Variants in NCKAP5 observed in about 807,000 individuals in gnomAD.
NCKAP5 encodes NCK associated protein 5, also known as nck-associated protein 5.
In NCKAP5, 92 loss-of-function variants were observed where a neutral mutation model predicts 167.0. That is an observed-to-expected ratio of 0.55 (90% CI 0.47 to 0.66). The LOEUF is 0.66. NCKAP5 is among the 30% of genes least tolerant of loss of function. The pLI is 0.00. For missense variants in NCKAP5, 2,378 were observed against 2,315.0 expected (o/e 1.03, Z -0.56); for synonymous variants, 891 against 877.4 (o/e 1.02, Z -0.27).
chr2:133,309,347 A>G (rs568186977), intron 3 of NCKAP5, among the ~76,000 whole-genome samples: 1 of 152,312 alleles, frequency 6.6e-6, no homozygotes, highest in South Asian at 2.1e-4. Flanking sequence ...CTGAAATACC[A>G]CAAGGAAACC....
Position 133,546,063 on chromosome 2 carries a change from A to G in NCKAP5, c.-62+12987T>C, listed in dbSNP as rs148811063. On this transcript the variant is annotated intron_variant, in intron 2 of 19. Transcript: ENST00000409261. Reference sequence around the variant, plus strand: ...ACCAGAAATGCTGAAACACAAATGCATTGCTCATATGCACACACACACCCC... The same window carrying G: ...ACCAGAAATGCTGAAACACAAATGCGTTGCTCATATGCACACACACACCCC... Among the ~76,000 whole-genome samples, 253 of 152,272 alleles carry G rather than the reference A, an allele frequency of 1.7e-3. 1 individual carries two copies. The highest frequency in any genetic ancestry group is 5.6e-3 in the African/African-American group (232 of 41,552).
At chr2:132,759,426 C>A (rs1246797004) in intron 16 of NCKAP5, among the ~76,000 whole-genome samples, 4 of 152,058 alleles carry the variant, frequency 2.6e-5, no homozygotes, top group African/African-American at 9.7e-5. Context: ...AACCAGTACA[C>A]CTTTGTATGT....
intron 3 of NCKAP5, among the ~76,000 whole-genome samples, chr2:133,467,258 T>C (rs1461574528): frequency 2.0e-5 from 3 of 150,776 alleles, no homozygotes; most frequent in East Asian, 1.9e-4. Context: ...TCTGCATCTA[T>C]TGAGATAATC....
intron 3 of NCKAP5, among the ~76,000 whole-genome samples, chr2:133,512,639 A>G (rs1683593961): frequency 6.6e-6 from 1 of 152,220 alleles, no homozygotes; most frequent in Admixed American, 6.5e-5. Context: ...AATTACATCT[A>G]GTCACTAAAT....
intron 3 of NCKAP5, among the ~76,000 whole-genome samples, chr2:133,312,342 G>A (rs1185243345): frequency 2.0e-5 from 3 of 152,098 alleles, no homozygotes; most frequent in South Asian, 2.1e-4. Context: ...CAATTTGTTG[G>A]ATACTGCTTA....
At chr2:133,090,680 A>C (rs1277904807) in intron 6 of NCKAP5, among the ~76,000 whole-genome samples, 4 of 152,208 alleles carry the variant, frequency 2.6e-5, no homozygotes, top group African/African-American at 9.6e-5. Flanking sequence ...TGAATACAGC[A>C]GATGAGTTAG....
chr2:133,213,845 T>C (rs1385576578), intron 4 of NCKAP5, 66 bp from the exon 5 acceptor site: 1 of 1,503,826 alleles, frequency 6.6e-7, no homozygotes. Context: ...GGCATGGCCG[T>C]GAAACATTCT....
intron 3 of NCKAP5, among the ~76,000 whole-genome samples, chr2:133,400,499 G>C (rs563017327): frequency 1.6e-4 from 24 of 152,244 alleles, no homozygotes; most frequent in Admixed American, 4.6e-4. Context: ...AAGTGAGAAG[G>C]AGAAGATGAC....
At chr2:133,067,120 C>A (rs545581474) in intron 6 of NCKAP5, among the ~76,000 whole-genome samples, 36 of 152,152 alleles carry the variant, frequency 2.4e-4, no homozygotes, top group Admixed American at 4.6e-4. Flanking sequence ...CCGCCTCAGC[C>A]TCTCAAAGTG....
intron 16 of NCKAP5, among the ~76,000 whole-genome samples, chr2:132,768,370 A>G (rs1189550971): frequency 6.6e-6 from 1 of 152,310 alleles, no homozygotes; most frequent in East Asian, 1.9e-4. Flanking sequence ...AATGAATGGT[A>G]TTTGAATTCC....
At position 133,222,641 on chromosome 2, in the gene NCKAP5, C is replaced by T. The variant is rs758753145; in HGVS notation, c.144-8862G>A. Among the ~76,000 whole-genome samples the T allele has an allele frequency of 7.9e-4, 108 of 137,290 alleles. 2 individuals are homozygous for T. Among genetic ancestry groups the T allele is most frequent in the Non-Finnish European group, 3.5e-4 (21 of 60,044 alleles). 90.1% of individuals were successfully genotyped at this position (137,290 alleles called of 152,430 possible). On this transcript the variant is annotated intron_variant, in intron 4 of 19. Coordinates refer to ENST00000409261, the MANE Select transcript of NCKAP5 (RefSeq NM_207363.3). Reference sequence around the variant, plus strand: ...AAATAGTTATAAAAACAGTTTTGACCCCGTGGATCTCTAAAAAGGTCATAG... The same window carrying T: ...AAATAGTTATAAAAACAGTTTTGACTCCGTGGATCTCTAAAAAGGTCATAG...
At chr2:132,891,375 T>C (rs935177633) in intron 8 of NCKAP5, among the ~76,000 whole-genome samples, 1 of 152,212 alleles carries the variant, frequency 6.6e-6, no homozygotes, top group African/African-American at 2.4e-5. Context: ...GTGCTCAAGA[T>C]GGATCAACTT....
chr2:133,547,300 G>A (rs1457062297), intron 2 of NCKAP5, among the ~76,000 whole-genome samples: 4 of 152,214 alleles, frequency 2.6e-5, no homozygotes, highest in African/African-American at 7.2e-5. Context: ...GAGGCTGGGG[G>A]AGGGGCACCC....
intron 8 of NCKAP5, among the ~76,000 whole-genome samples, chr2:132,921,389 T>C (rs1162930780): frequency 6.6e-6 from 1 of 152,196 alleles, no homozygotes; most frequent in Admixed American, 6.5e-5. Context: ...CAACTAATTA[T>C]AACTTTTTTC....
intron 6 of NCKAP5, among the ~76,000 whole-genome samples, chr2:133,128,640 G>C (rs890274805): frequency 3.3e-5 from 5 of 150,712 alleles, no homozygotes; most frequent in Non-Finnish European, 1.5e-5. Context: ...CTTTGTTGCC[G>C]AGGCTGGAGT....
intron 8 of NCKAP5, among the ~76,000 whole-genome samples, chr2:132,890,401 A>C (rs572657408): frequency 7.4e-6 from 1 of 136,004 alleles, no homozygotes; most frequent in South Asian, 2.3e-4. Context: ...AGGCCACCAT[A>C]AAGAAAAAAA....
At chr2:133,059,302 A>C (rs1035749920) in intron 6 of NCKAP5, among the ~76,000 whole-genome samples, 80 of 152,258 alleles carry the variant, frequency 5.3e-4, no homozygotes, top group African/African-American at 1.9e-3. Flanking sequence ...TCCATCTCAA[A>C]AAAAATATGT....
chr2:133,335,612 A>T (rs1181804319), intron 3 of NCKAP5, among the ~76,000 whole-genome samples: 2 of 152,142 alleles, frequency 1.3e-5, no homozygotes, highest in Admixed American at 1.3e-4. Flanking sequence ...TTAAATAAAA[A>T]TTTTTGCCTG....
At chr2:133,392,945 AAT>A (rs1687510474) in intron 3 of NCKAP5, among the ~76,000 whole-genome samples, 1 of 152,140 alleles carries the variant, frequency 6.6e-6, no homozygotes, top group African/African-American at 2.4e-5. Context: ...AGCTTCCTAT[AAT>A]TTGATTGCCT....
Sources: gnomAD v4.1 joint callset for allele counts (sites outside exome capture counted in the v4.1 genomes callset) on GRCh38, gnomAD v4.1.1 for gene constraint, MANE v1.5 for transcripts, NCBI Gene and HGNC (gene_info 2026-07-23, HGNC 2026-07-21) for gene names.